Variants in PPP1R13B observed in about 807,000 individuals in gnomAD.
The protein encoded by PPP1R13B is apoptosis-stimulating of p53 protein 1.
In PPP1R13B, 44 loss-of-function variants were observed where a neutral mutation model predicts 119.8. The ratio of observed to expected loss-of-function variants is 0.37; its 90% CI spans 0.29 to 0.47. PPP1R13B has a LOEUF of 0.47. PPP1R13B is among the 20% of genes least tolerant of loss of function. The probability of loss-of-function intolerance (pLI) is 0.99; values close to 1 mark genes in which losing one functional copy is unlikely to be tolerated. For synonymous variants in PPP1R13B, 542 were observed against 561.5 expected, an observed-to-expected ratio of 0.97 and a Z score of 0.49; for missense variants, 1,227 against 1,413.5, an observed-to-expected ratio of 0.87 and a Z score of 2.12.
chr14:103,779,960 CCCG>C (rs1270344830), intron 3 of PPP1R13B, among the ~76,000 whole-genome samples: 1 of 150,646 alleles, frequency 6.6e-6, no homozygotes, highest in Admixed American at 6.6e-5. Context: ...GACCAGCCTG[CCCG>C]AATGGCAAAA....
intron 1 of PPP1R13B, among the ~76,000 whole-genome samples, chr14:103,815,542 G>A (rs773690752): frequency 2.6e-5 from 4 of 152,032 alleles, no homozygotes; most frequent in Non-Finnish European, 5.9e-5. Flanking sequence ...GGATCATGAG[G>A]TCAGGAGTTC....
In PPP1R13B at chr14:103,742,893, T is replaced by C. The variant is rs541724657; in HGVS notation, c.1151-70A>G. On this transcript the variant is annotated intron_variant, in intron 9 of 16. Transcript: ENST00000202556. The surrounding 1 kb of genome is among the most constrained non-coding windows in gnomAD (Gnocchi z 4.9). Reference sequence around the variant, plus strand: ...TTGAACCAACCTAAGAATAACACTCTGCCAGAAACAAAAACAGCACTGGGA... The same window carrying C: ...TTGAACCAACCTAAGAATAACACTCCGCCAGAAACAAAAACAGCACTGGGA... The C allele has an allele frequency of 1.7e-5, 26 of 1,551,060 alleles. No individual in the cohort carries two copies. In the African/African-American group the frequency reaches 2.7e-4, roughly 16 times the overall value.
intron 2 of PPP1R13B, among the ~76,000 whole-genome samples, chr14:103,785,559 A>C (rs1184869376): frequency 4.8e-5 from 6 of 124,984 alleles, no homozygotes; most frequent in African/African-American, 1.9e-4. Flanking sequence ...TGCTCTTATC[A>C]CTTAGGCTGG....
rs756193832 is a variant in PPP1R13B at position 103,742,873 on chromosome 14, C to T, written c.1151-50G>A. On this transcript the variant is annotated intron_variant, in intron 9 of 16. Transcript: ENST00000202556. This position sits in a 1 kb window ranked among gnomAD's most constrained non-coding sequence, Gnocchi z 4.9. ...TAAAACTTTTCTCAATGTAGTTGAA[C>T]CAACCTAAGAATAACACTCTGCCAG... 8.1e-6 allele frequency: 13 copies of T among 1,596,926 alleles called. No homozygotes were observed. The highest frequency in any genetic ancestry group is 1.1e-5 in the Non-Finnish European group (13 of 1,168,182).
At chr14:103,787,677 G>C (rs1161317523) in intron 2 of PPP1R13B, among the ~76,000 whole-genome samples, 3 of 136,298 alleles carry the variant, frequency 2.2e-5, no homozygotes. Context: ...TTTTGAGACA[G>C]AGTCTCACTG....
intron 1 of PPP1R13B, among the ~76,000 whole-genome samples, chr14:103,800,832 C>T (rs374069320): frequency 2.0e-5 from 3 of 151,882 alleles, no homozygotes; most frequent in East Asian, 1.9e-4. Context: ...TAACTCCTCA[C>T]CGTTACCATT....
intron 1 of PPP1R13B, among the ~76,000 whole-genome samples, chr14:103,844,417 A>C (rs1179552661): frequency 6.6e-6 from 1 of 152,120 alleles, no homozygotes; most frequent in East Asian, 1.9e-4. Context: ...GCACTGTAGT[A>C]CACCATGTGA....
At chr14:103,837,244 T>C (rs1434731692) in intron 1 of PPP1R13B, among the ~76,000 whole-genome samples, 1 of 152,158 alleles carries the variant, frequency 6.6e-6, no homozygotes, top group East Asian at 1.9e-4. Flanking sequence ...CAGGCAGCAA[T>C]CCAGAACCCA....
intron 4 of PPP1R13B, among the ~76,000 whole-genome samples, chr14:103,771,535 C>A (rs1009741992): frequency 7.4e-6 from 1 of 135,904 alleles, no homozygotes; most frequent in East Asian, 2.1e-4. Context: ...GGCTGGAGTG[C>A]GATGGCGTGA....
Position 103,746,501 on chromosome 14 carries a change from C to A in PPP1R13B, c.1022G>T (p.Gly341Val). Residue 341 changes from glycine to valine, a missense_variant, in exon 9 of 17, where the codon GGC becomes GTC. By Grantham distance (109) the Gly-to-Val change is moderately radical. Transcript: ENST00000202556. ...SSPQSPLSTS[G>V]RVAAVGPYIQ... is the part of the protein sequence containing the mutation. ...ATAAGGCCCCACAGCAGCGACCCTG[C>A]CCGATGTGCTCAGAGGGGACTGTGG... 6.2e-7 allele frequency: 1 copy of A among 1,613,884 alleles called. No homozygotes were observed. The highest frequency in any genetic ancestry group is 8.5e-7 in the Non-Finnish European group (1 of 1,179,806).
intron 1 of PPP1R13B, among the ~76,000 whole-genome samples, chr14:103,841,880 T>A (rs146649954): frequency 1.3e-5 from 2 of 152,320 alleles, no homozygotes; most frequent in East Asian, 3.9e-4. Flanking sequence ...AATCAGCTAC[T>A]GGACCAACCA....
intron 1 of PPP1R13B, among the ~76,000 whole-genome samples, chr14:103,846,136 A>G (rs373512276): frequency 6.6e-6 from 1 of 152,212 alleles, no homozygotes; most frequent in Admixed American, 6.5e-5. Context: ...TTATTCATTT[A>G]AAACCAAATG....
intron 1 of PPP1R13B, among the ~76,000 whole-genome samples, chr14:103,802,597 C>T (rs903272215): frequency 1.3e-5 from 2 of 152,162 alleles, no homozygotes; most frequent in Non-Finnish European, 2.9e-5. Flanking sequence ...ATATAGCACG[C>T]GTAAAGCAGT....
At chr14:103,762,950 T>C in intron 4 of PPP1R13B, 1 of 1,054,226 alleles carries the variant, frequency 9.5e-7, no homozygotes, top group Non-Finnish European at 1.4e-6. Context: ...CAGTATCTGC[T>C]AAATAAAAGT....
intron 3 of PPP1R13B, among the ~76,000 whole-genome samples, chr14:103,784,583 C>CAAAAAAAAAAAAA (rs546875688): frequency 5.0e-5 from 3 of 60,584 alleles, no homozygotes; most frequent in Non-Finnish European, 8.8e-5. Context: ...ACTCTGTCTC[C>CAAAAAAAAAAAAA]AAAAAAAAAA....
At chr14:103,826,108 C>T (rs1186071755) in intron 1 of PPP1R13B, among the ~76,000 whole-genome samples, 1 of 152,084 alleles carries the variant, frequency 6.6e-6, no homozygotes, top group African/African-American at 2.4e-5. Context: ...AACTCCTGAC[C>T]TCAGGTGATC....
intron 4 of PPP1R13B, among the ~76,000 whole-genome samples, chr14:103,761,006 T>G (rs901395341): frequency 6.6e-6 from 1 of 152,212 alleles, no homozygotes; most frequent in Non-Finnish European, 1.5e-5. Flanking sequence ...AATGTACTAT[T>G]GAAATATTTT....
chr14:103,746,319 GCCCCATTCCCT>G, intron 9 of PPP1R13B, 43 bp downstream of exon 9: 1 of 1,128,806 alleles, frequency 8.9e-7, no homozygotes, highest in Non-Finnish European at 1.1e-6. Context: ...TCCACCGCAG[GCCCCATTCCCT>G]GCTCACAAAC....
At chr14:103,843,385 T>A (rs77733413) in intron 1 of PPP1R13B, among the ~76,000 whole-genome samples, 2 of 151,396 alleles carry the variant, frequency 1.3e-5, no homozygotes, top group Admixed American at 6.6e-5. Context: ...AAAAAAAAAA[T>A]AAATCATGCT....
Sources: allele counts gnomAD v4.1 joint callset (sites outside exome capture counted in the v4.1 genomes callset), GRCh38; gene constraint gnomAD v4.1.1; non-coding constraint Gnocchi (gnomAD v3.1); transcripts MANE v1.5; gene names NCBI Gene and HGNC (gene_info 2026-07-23, HGNC 2026-07-21).